ADAMTS8: variants seen among roughly 807,000 people sequenced by gnomAD.
ADAMTS8 encodes A disintegrin and metalloproteinase with thrombospondin motifs 8.
Under a neutral mutation model 64.4 loss-of-function variants are expected in ADAMTS8, and 50 were observed. That is an observed-to-expected ratio of 0.78 (90% confidence interval 0.62 to 0.98). ADAMTS8 has a LOEUF of 0.98. Among genes scored for constraint, ADAMTS8 ranks in the 50% least tolerant of loss-of-function variants. The pLI, the probability that ADAMTS8 is intolerant of heterozygous loss-of-function variation, is 0.00. For missense variants in ADAMTS8, 1,192 were observed against 1,208.2 expected (o/e 0.99, Z 0.20); for synonymous variants, 556 against 533.6 (o/e 1.04, Z -0.58).
intron 2 of ADAMTS8, 108 bp from the exon 3 acceptor site, chr11:130,417,183 G>A (rs1862038098): frequency 7.1e-6 from 10 of 1,417,156 alleles, no homozygotes; most frequent in East Asian, 6.9e-5. Flanking sequence ...GGACCACTGA[G>A]CGTCCCATAA....
rs1357383162 is a variant in ADAMTS8, at chr11:130,410,253, G to A, written c.1750+1164C>T. ...GTAATGGCTGTGTTAAAGGGATTTG[G>A]GTCTCTAATTGGACTACAAGCTCCT... On this transcript the variant is annotated intron_variant, in intron 6 of 8. Coordinates refer to ENST00000257359, the MANE Select transcript of ADAMTS8 (RefSeq NM_007037.6). 3.3e-5 allele frequency among the ~76,000 whole-genome samples: 5 copies of A among 152,184 alleles called. No individual in the cohort carries two copies. In the East Asian group the frequency reaches 9.7e-4, roughly 29 times the overall value.
chr11:130,406,591 A>G (rs889720976), intron 8 of ADAMTS8, among the ~76,000 whole-genome samples: 1 of 151,812 alleles, frequency 6.6e-6, no homozygotes, highest in African/African-American at 2.4e-5. Flanking sequence ...CAGAACGTGA[A>G]CAGGAGGGAA....
At chr11:130,415,029 C>T (rs745884169) in intron 4 of ADAMTS8, among the ~76,000 whole-genome samples, 197 bp from the exon 5 acceptor site, 5 of 152,194 alleles carry the variant, frequency 3.3e-5, no homozygotes, top group South Asian at 2.1e-4. Flanking sequence ...TCTTCAGGAC[C>T]GACTTTCCTT....
At chr11:130,409,732 C>T (rs77797770) in intron 6 of ADAMTS8, among the ~76,000 whole-genome samples, 1 of 152,358 alleles carries the variant, frequency 6.6e-6, no homozygotes, top group East Asian at 1.9e-4. Flanking sequence ...CGTGCTGCTG[C>T]CAGACCAACC....
At chr11:130,418,591 A>G (rs1376435200) in intron 2 of ADAMTS8, among the ~76,000 whole-genome samples, 1 of 152,260 alleles carries the variant, frequency 6.6e-6, no homozygotes, top group Non-Finnish European at 1.5e-5. Context: ...AGGAGCAGAC[A>G]GGGCCTGGCA....
At chr11:130,417,670 C>T (rs1343585917) in intron 2 of ADAMTS8, among the ~76,000 whole-genome samples, 1 of 152,160 alleles carries the variant, frequency 6.6e-6, no homozygotes, top group Non-Finnish European at 1.5e-5. Context: ...ACAAGTGATT[C>T]TCTCACCTCA....
chr11:130,408,171 C>T (rs1221820881), intron 8 of ADAMTS8, among the ~76,000 whole-genome samples: 1 of 152,160 alleles, frequency 6.6e-6, no homozygotes. Context: ...ATGACAGCTC[C>T]CTATCCACAT....
intron 8 of ADAMTS8, among the ~76,000 whole-genome samples, chr11:130,406,406 A>G (rs1175220685): frequency 1.3e-5 from 2 of 152,222 alleles, no homozygotes; most frequent in African/African-American, 4.8e-5. Context: ...AACAGCATAG[A>G]GACGAGGAGA....
Position 130,427,797 on chromosome 11 carries a change from C to T in ADAMTS8, c.490G>A (p.Gly164Arg). 1.9e-6 allele frequency: 3 copies of T among 1,580,548 alleles called. No individual in the cohort carries two copies. Among genetic ancestry groups the T allele is most frequent in the South Asian group, 1.2e-5 (1 of 86,676 alleles). Residue 164 changes from glycine to arginine, a missense_variant, in exon 1 of 9, where the codon GGA (glycine) becomes AGA (arginine). Gly to Arg is a moderately radical substitution (Grantham distance 125). Around this residue, in one of 5 missense-constraint regions of ADAMTS8, gnomAD observed 741 missense variants for 710.6 expected, o/e 1.04. Transcript: ENST00000257359. The part of the protein sequence containing the change: ...GPAGARPLPR[G>R]PEWEVETGEG... ...CCCGTCTCCACCTCCCACTCGGGTC[C>T]TCGCGGGAGGGGGCGGGCTCCGGCG...
At position 130,411,303 on chromosome 11, in the gene ADAMTS8, A is replaced by G. The variant is rs1861948437; in HGVS notation, c.1750+114T>C. 4 of 1,314,428 alleles carry G rather than the reference A, an allele frequency of 3.0e-6. No individual in the cohort carries two copies. Among genetic ancestry groups the G allele is most frequent in the Non-Finnish European group, 4.2e-6 (4 of 953,718 alleles). 81.4% of individuals were successfully genotyped at this position (1,314,428 alleles called of 1,614,324 possible). On this transcript the variant is annotated intron_variant, in intron 6 of 8. Coordinates refer to ENST00000257359, the MANE Select transcript of ADAMTS8 (RefSeq NM_007037.6). The surrounding 1 kb of genome is among the most constrained non-coding windows in gnomAD (Gnocchi z 4.2). ...GAGACCCAATTTACTCCCCTCTGGG[A>G]GTAACTCTATATCCCGGGACACCCA...
In ADAMTS8 at chr11:130,416,386, G is replaced by C. The variant is rs1862025564; in HGVS notation, c.1097-56C>G. 1 of 1,486,612 alleles carries C rather than the reference G, an allele frequency of 6.7e-7. No individual in the cohort carries two copies. The highest frequency in any genetic ancestry group is 9.0e-7 in the Non-Finnish European group (1 of 1,113,446). The allele number at this position is 1,486,612 out of a possible 1,614,324, so 92.1% of individuals were successfully genotyped here. On this transcript the variant is annotated intron_variant, in intron 3 of 8. Transcript: ENST00000257359. The surrounding 1 kb of genome is among the most constrained non-coding windows in gnomAD (Gnocchi z 4.8). ...TGTCCTGCCTGAGGGCGCCCCACCTGGCCCAGCTAGGGACAGAGATGGAGC... is the reference window on the plus strand; with the variant it reads ...TGTCCTGCCTGAGGGCGCCCCACCTCGCCCAGCTAGGGACAGAGATGGAGC...
chr11:130,408,536 A>G lies in ADAMTS8; in HGVS notation c.2027T>C (p.Leu676Pro). The change falls in exon 8 of 9, where the codon CTG becomes CCG. Residue 676 changes from leucine to proline, a missense_variant. Leu to Pro is a moderately conservative substitution (Grantham distance 98, BLOSUM62 -3). This residue lies in a region of ADAMTS8 where 290 missense variants were observed against 297.8 expected (regional missense o/e 0.97). Coordinates refer to ENST00000257359, the MANE Select transcript of ADAMTS8 (RefSeq NM_007037.6). ...GCCCCCACACACCCCGCATTTGTCC[A>G]GCTTCCGAGGCGAGTCCACCACATG... Reference protein sequence around the residue: ...CDHVVDSPRKLDKCGVCGGKG... With the variant: ...CDHVVDSPRKPDKCGVCGGKG... 6.2e-7 allele frequency: 1 copy of G among 1,614,118 alleles called. No homozygotes were observed. Among genetic ancestry groups the G allele is most frequent in the Non-Finnish European group, 8.5e-7 (1 of 1,180,014 alleles).
chr11:130,405,753 G>C lies in ADAMTS8; in HGVS notation c.2475C>G (p.Thr825=). 6.2e-7 allele frequency: 1 copy of C among 1,614,186 alleles called. No individual in the cohort carries two copies. The highest frequency in any genetic ancestry group is 1.1e-5 in the South Asian group (1 of 91,092). The change falls in exon 9 of 9, where the codon ACC becomes ACG. Residue 825 remains threonine, a synonymous_variant. Coordinates refer to ENST00000257359, the MANE Select transcript of ADAMTS8 (RefSeq NM_007037.6). ...SMQSSKERAT[T]NIIQPLLHAQ... ...CGTGGAGCAGCGGCTGGATGATGTTGGTGGTTGCTCTCTCTTTGCTGCTCT... is the reference window on the plus strand; with the variant it reads ...CGTGGAGCAGCGGCTGGATGATGTTCGTGGTTGCTCTCTCTTTGCTGCTCT...
In ADAMTS8 at chr11:130,419,278, C is replaced by T. The variant is rs751276351; in HGVS notation, c.735G>A (p.Thr245=). 33 of 1,613,860 alleles carry T rather than the reference C, an allele frequency of 2.0e-5. No homozygotes were observed. Among genetic ancestry groups the T allele is most frequent in the South Asian group, 5.5e-5 (5 of 91,090 alleles). The change falls in exon 2 of 9, where the codon ACG becomes ACA. Residue 245 remains threonine (T), a synonymous_variant. Coordinates refer to ENST00000257359, the MANE Select transcript of ADAMTS8 (RefSeq NM_007037.6). ...AGATTCGGGCTGCCACAGACATTAA[C>T]GTCAGGATGTGGTTCTGTCAGGAAG... ...YGADLQNHIL[T]LMSVAARIYK...
At chr11:130,412,499 C>T (rs1341142666) in intron 5 of ADAMTS8, among the ~76,000 whole-genome samples, 21 of 152,148 alleles carry the variant, frequency 1.4e-4, no homozygotes. Context: ...CAAGTGTGAG[C>T]CACCATGCCT....
At chr11:130,425,979 C>T (rs952292408) in intron 1 of ADAMTS8, among the ~76,000 whole-genome samples, 6 of 152,142 alleles carry the variant, frequency 3.9e-5, no homozygotes, top group Admixed American at 2.0e-4. Flanking sequence ...CCTCTTCTCA[C>T]CCCTCTCCTG....
chr11:130,414,503 C>G, intron 5 of ADAMTS8, 28 bp downstream of exon 5: 1 of 1,549,346 alleles, frequency 6.5e-7, no homozygotes, highest in Non-Finnish European at 8.7e-7. Context: ...CTTTCCCCTC[C>G]CCGCTATCCT....
At chr11:130,409,506 A>C (rs974993937) in intron 6 of ADAMTS8, among the ~76,000 whole-genome samples, 1 of 152,144 alleles carries the variant, frequency 6.6e-6, no homozygotes, top group Non-Finnish European at 1.5e-5. Context: ...CTTGACTTTC[A>C]TTTGCTGATC....
At chr11:130,413,743 A>G (rs980868668) in intron 5 of ADAMTS8, among the ~76,000 whole-genome samples, 3 of 152,128 alleles carry the variant, frequency 2.0e-5, no homozygotes, top group Admixed American at 6.5e-5. Context: ...CGGAATTCCC[A>G]CAACTGCTCT....
Sources: allele counts gnomAD v4.1 joint callset (sites outside exome capture counted in the v4.1 genomes callset), GRCh38; gene constraint gnomAD v4.1.1; regional missense constraint gnomAD v4.1.1; non-coding constraint Gnocchi (gnomAD v3.1); transcripts MANE v1.5; gene names NCBI Gene and HGNC (gene_info 2026-07-23, HGNC 2026-07-21).